Variants in DHX40 observed in about 807,000 individuals in gnomAD.
The protein encoded by DHX40 is DEAH-box helicase 40.
In DHX40, 28 loss-of-function variants were observed where a neutral mutation model predicts 89.6. That is an observed-to-expected ratio of 0.31 (90% CI 0.23 to 0.43). The LOEUF (loss-of-function observed/expected upper bound fraction) is 0.43. DHX40 is among the 20% of genes least tolerant of loss of function. The probability of loss-of-function intolerance (pLI) is 1.00; values close to 1 mark genes in which losing one functional copy is unlikely to be tolerated. For missense variants in DHX40, 457 were observed against 844.0 expected (o/e 0.54, Z 5.68); for synonymous variants, 226 against 283.6 (o/e 0.80, Z 2.04).
chr17:59,605,765 C>T, intron 17 of DHX40, 91 bp downstream of exon 17: 1 of 1,241,014 alleles, frequency 8.1e-7, no homozygotes, highest in Non-Finnish European at 1.1e-6. Flanking sequence ...ATGTTGTGAC[C>T]CACCTGGGCA....
chr17:59,594,527 T>A (rs1445042043), intron 12 of DHX40, among the ~76,000 whole-genome samples: 3 of 151,650 alleles, frequency 2.0e-5, no homozygotes, highest in African/African-American at 7.3e-5. Context: ...TAGGAGCTGA[T>A]ACTGTGGCTC....
intron 2 of DHX40, among the ~76,000 whole-genome samples, chr17:59,568,766 A>G (rs999864337): frequency 1.3e-5 from 2 of 152,048 alleles, no homozygotes; most frequent in African/African-American, 4.8e-5. Context: ...TATTAGTAAG[A>G]ATGGAAATGC....
intron 1 of DHX40, 68 bp from the exon 2 acceptor site, chr17:59,566,559 G>A: frequency 6.9e-7 from 1 of 1,439,374 alleles, no homozygotes; most frequent in East Asian, 2.6e-5. Context: ...TCTGGTTTTA[G>A]TCATGAGAAA....
At chr17:59,579,059 A>C (rs1168692345) in intron 8 of DHX40, among the ~76,000 whole-genome samples, 1 of 133,288 alleles carries the variant, frequency 7.5e-6, no homozygotes, top group African/African-American at 2.6e-5. Context: ...ACATATATGC[A>C]AAGCAATTTG....
chr17:59,575,310 G>T lies in DHX40; in HGVS notation c.842-30G>T, dbSNP rs769386161. Reference sequence around the variant, plus strand: ...TTTAAATTAATTTTTCTGTTCAGTTGCTGAAGTTATTTTTTTCTTCCCATT... The same window carrying T: ...TTTAAATTAATTTTTCTGTTCAGTTTCTGAAGTTATTTTTTTCTTCCCATT... On this transcript the variant is annotated intron_variant, in intron 6 of 17. Coordinates refer to ENST00000251241, the MANE Select transcript of DHX40 (RefSeq NM_024612.5). The T allele has an allele frequency of 4.6e-6, 7 of 1,506,982 alleles. No individual in the cohort carries two copies. In the South Asian group the frequency reaches 6.4e-5, roughly 14 times the overall value. 93.4% of individuals were successfully genotyped at this position (1,506,982 alleles called of 1,614,324 possible).
At chr17:59,569,359 A>C (rs1018980737) in intron 2 of DHX40, among the ~76,000 whole-genome samples, 2 of 145,054 alleles carry the variant, frequency 1.4e-5, no homozygotes, top group African/African-American at 5.5e-5. Flanking sequence ...TAAATAAATA[A>C]ATAAATAAAT....
intron 2 of DHX40, among the ~76,000 whole-genome samples, chr17:59,570,097 T>C (rs1340743671): frequency 7.7e-6 from 1 of 129,150 alleles, no homozygotes; most frequent in African/African-American, 2.9e-5. Context: ...TAATATATAG[T>C]ATATATTATA....
rs551804951 is a variant in DHX40 at position 59,574,756 on chromosome 17, T to C, written c.841+502T>C. On this transcript the variant is annotated intron_variant, in intron 6 of 17. Transcript: ENST00000251241. ...AAGGACATTTCACCAGGTTCTTCTT[T>C]GGGTGGTGGCATTGTACTGTGTGAT... Among the ~76,000 whole-genome samples, 3 of 152,000 alleles carry C rather than the reference T, an allele frequency of 2.0e-5. No individual in the cohort carries two copies. In the South Asian group the frequency reaches 6.2e-4, roughly 32 times the overall value.
chr17:59,599,017 G>A (rs1385009054), intron 13 of DHX40, among the ~76,000 whole-genome samples, 166 bp downstream of exon 13: 1 of 152,202 alleles, frequency 6.6e-6, no homozygotes, highest in East Asian at 1.9e-4. Context: ...TTGCTTAGTA[G>A]GCATTTATTA....
At chr17:59,567,169 G>A (rs1338469498) in intron 2 of DHX40, among the ~76,000 whole-genome samples, 1 of 152,152 alleles carries the variant, frequency 6.6e-6, no homozygotes, top group African/African-American at 2.4e-5. Flanking sequence ...TTTCTCTAGA[G>A]CATTATCAGG....
At chr17:59,605,738 T>C in intron 17 of DHX40, 64 bp downstream of exon 17, 1 of 1,449,464 alleles carries the variant, frequency 6.9e-7, no homozygotes, top group Non-Finnish European at 9.5e-7. Context: ...AGTACTTCAC[T>C]ATTTTTGTTT....
intron 3 of DHX40, among the ~76,000 whole-genome samples, chr17:59,571,837 C>G (rs971951244): frequency 6.6e-6 from 1 of 152,228 alleles, no homozygotes; most frequent in Admixed American, 6.5e-5. Flanking sequence ...TCCCAAAGTG[C>G]TGGGATTACA....
intron 10 of DHX40, among the ~76,000 whole-genome samples, chr17:59,585,445 GGGT>G: frequency 6.6e-6 from 1 of 150,970 alleles, no homozygotes; most frequent in South Asian, 2.1e-4. Context: ...TTTTGAGGCT[GGGT>G]GCGGTGGCTC....
chr17:59,588,521 G>A (rs1303128179), intron 12 of DHX40, among the ~76,000 whole-genome samples: 7 of 152,012 alleles, frequency 4.6e-5, no homozygotes, highest in African/African-American at 1.7e-4. Flanking sequence ...TAGTAGAGGC[G>A]CGGTTTCTCC....
intron 12 of DHX40, among the ~76,000 whole-genome samples, chr17:59,588,757 C>T (rs922458281): frequency 1.3e-5 from 2 of 152,186 alleles, no homozygotes; most frequent in Non-Finnish European, 2.9e-5. Flanking sequence ...TTGACTTTTG[C>T]AGAGCGGAAG....
Position 59,589,767 on chromosome 17 carries a change from C to A in DHX40, c.1582+1714C>A, listed in dbSNP as rs2049054748. ...TGGAGTTTCACTCTTGTTGCCCAGG[C>A]TGGAGTGCAATGGTGTGATCTGGAC... On this transcript the variant is annotated intron_variant, in intron 12 of 17. Transcript: ENST00000251241. 2.1e-5 allele frequency among the ~76,000 whole-genome samples: 3 copies of A among 139,600 alleles called. No individual in the cohort carries two copies. In the Admixed American group the frequency reaches 2.2e-4, roughly 10 times the overall value. 91.6% of individuals were successfully genotyped at this position (139,600 alleles called of 152,430 possible).
At chr17:59,570,490 T>C in intron 2 of DHX40, 28 bp from the exon 3 acceptor site, 1 of 1,574,098 alleles carries the variant, frequency 6.4e-7, no homozygotes, top group East Asian at 2.4e-5. Flanking sequence ...CTAACATTGT[T>C]GTGTTTCTTT....
intron 1 of DHX40, 87 bp downstream of exon 1, chr17:59,565,870 TGAG>T: frequency 8.3e-7 from 1 of 1,201,166 alleles, no homozygotes; most frequent in Non-Finnish European, 1.1e-6. Flanking sequence ...TTTGGCAGGC[TGAG>T]AAGAGTAGTG....
chr17:59,591,237 G>A (rs1188483671), intron 12 of DHX40, among the ~76,000 whole-genome samples: 6 of 151,458 alleles, frequency 4.0e-5, no homozygotes, highest in Admixed American at 2.6e-4. Context: ...TCCAGGAGGC[G>A]GAGGTTGCAG....
Sources: allele counts gnomAD v4.1 joint callset (sites outside exome capture counted in the v4.1 genomes callset), GRCh38; gene constraint gnomAD v4.1.1; transcripts MANE v1.5; gene names NCBI Gene and HGNC (gene_info 2026-07-23, HGNC 2026-07-21).